LANCL2: variants seen among roughly 807,000 people sequenced by gnomAD.
LANCL2 encodes the protein LanC like glutathione S-transferase 2.
A neutral mutation model predicts 56.9 loss-of-function variants in LANCL2; 33 were observed. The ratio of observed to expected loss-of-function variants is 0.58; its 90% CI spans 0.44 to 0.78. The LOEUF (loss-of-function observed/expected upper bound fraction) is 0.78. Among genes scored for constraint, LANCL2 ranks in the 30% least tolerant of loss-of-function variants. LANCL2 has a pLI of 0.00. For missense variants in LANCL2, 562 were observed against 580.2 expected, an observed-to-expected ratio of 0.97 and a Z score of 0.32; for synonymous variants, 233 against 228.2, an observed-to-expected ratio of 1.02 and a Z score of -0.19.
chr7:55,366,244 T>A lies in LANCL2; in HGVS notation c.204+15T>A. On this transcript the variant is annotated intron_variant, in intron 1 of 8. Coordinates refer to ENST00000254770, the MANE Select transcript of LANCL2 (RefSeq NM_018697.4). ...AGGACGGGAAGGTGAGTCGGCGGCC[T>A]GGCCGCAGAGGCGCCGGAGGGGGAG... 1 of 1,477,700 alleles carries A rather than the reference T, an allele frequency of 6.8e-7. No individual in the cohort carries two copies. Among genetic ancestry groups the A allele is most frequent in the Non-Finnish European group, 9.0e-7 (1 of 1,106,318 alleles). The allele number at this position is 1,477,700 out of a possible 1,614,324, so 91.5% of individuals were successfully genotyped here.
chr7:55,415,714 G>C (rs535513705), intron 6 of LANCL2, among the ~76,000 whole-genome samples: 25 of 146,524 alleles, frequency 1.7e-4, no homozygotes, highest in African/African-American at 5.7e-4. Context: ...CCTGGGTTCA[G>C]GTGGTTCTTG....
chr7:55,399,513 T>G lies in LANCL2; in HGVS notation c.531-444T>G, dbSNP rs578205324. The stretch of plus-strand genomic sequence containing the variant: ...CATGTGCCACCACACCCAGCTAGTT[T>G]TGCATTTTTAGTAGAGACGGGGTTT... On this transcript the variant is annotated intron_variant, in intron 3 of 8. Coordinates refer to ENST00000254770, the MANE Select transcript of LANCL2 (RefSeq NM_018697.4). Among the ~76,000 whole-genome samples, 3 of 152,224 alleles carry G rather than the reference T, an allele frequency of 2.0e-5. No homozygotes were observed. In the South Asian group the frequency reaches 6.2e-4, roughly 32 times the overall value.
rs1258184397 is a variant in LANCL2 at position 55,431,793 on chromosome 7, C to A, written c.*473C>A. 1 of 152,910 alleles carries A rather than the reference C, an allele frequency of 6.5e-6. No individual in the cohort carries two copies. Among genetic ancestry groups the A allele is most frequent in the East Asian group, 1.9e-4 (1 of 5,218 alleles). The allele number at this position is 152,910 out of a possible 1,614,324, so 9.5% of individuals were successfully genotyped here. On this transcript the variant is annotated 3_prime_UTR_variant, in exon 9 of 9. Coordinates refer to ENST00000254770, the MANE Select transcript of LANCL2 (RefSeq NM_018697.4). ...TACATTGTCAGCCTTTTCTGTGGCA[C>A]CTTCCAGATGAGAATGAGGGAGCGA...
In LANCL2 at chr7:55,400,080, C is replaced by G; in HGVS notation, c.654C>G (p.Thr218=). Reference sequence around the variant, plus strand: ...TGAACACAGAGATAGGTCCAGGCACCGTGTGTGAGTCAGCTATTAAAGAGG... The same window carrying G: ...TGAACACAGAGATAGGTCCAGGCACGGTGTGTGAGTCAGCTATTAAAGAGG... ...LYLNTEIGPG[T]VCESAIKEVV... is the part of the protein sequence containing the mutation. Residue 218 remains threonine, a synonymous_variant, in exon 4 of 9, where the codon ACC becomes ACG. Transcript: ENST00000254770. 6.2e-7 allele frequency: 1 copy of G among 1,608,148 alleles called. No homozygotes were observed. The highest frequency in any genetic ancestry group is 8.5e-7 in the Non-Finnish European group (1 of 1,176,198).
At position 55,395,276 on chromosome 7, in the gene LANCL2, A is replaced by G. The variant is rs144874463; in HGVS notation, c.323-3147A>G. 2.0e-5 allele frequency among the ~76,000 whole-genome samples: 3 copies of G among 152,324 alleles called. No homozygotes were observed. In the East Asian group the frequency reaches 5.8e-4, roughly 29 times the overall value. On this transcript the variant is annotated intron_variant, in intron 2 of 8. Coordinates refer to ENST00000254770, the MANE Select transcript of LANCL2 (RefSeq NM_018697.4). ...TTTCTCAGTGGAGGGAGAAAAACGC[A>G]CCAGGAAAATGTCACTACAAAGTGG... is the stretch of plus-strand genomic sequence containing the variant.
chr7:55,366,329 T>G (rs1789867622), intron 1 of LANCL2, 100 bp downstream of exon 1: 2 of 1,077,342 alleles, frequency 1.9e-6, no homozygotes, highest in South Asian at 1.8e-5. Context: ...GCGCCGGGCT[T>G]GGGAGGGCGC....
intron 2 of LANCL2, among the ~76,000 whole-genome samples, chr7:55,394,686 A>G (rs550742172): frequency 5.4e-4 from 83 of 152,344 alleles, no homozygotes; most frequent in African/African-American, 1.9e-3. Flanking sequence ...GTGGAGAGCC[A>G]TGGTGTGCAA....
At chr7:55,430,464 G>A (rs1384097820) in intron 8 of LANCL2, among the ~76,000 whole-genome samples, 1 of 152,198 alleles carries the variant, frequency 6.6e-6, no homozygotes, top group Non-Finnish European at 1.5e-5. Context: ...CCTCTGGGGG[G>A]ACCACAGGGA....
intron 1 of LANCL2, among the ~76,000 whole-genome samples, chr7:55,367,826 G>A (rs1427762705): frequency 6.6e-6 from 1 of 152,158 alleles, no homozygotes; most frequent in South Asian, 2.1e-4. Flanking sequence ...TGCCTGATGT[G>A]GTACCTTAAG....
At chr7:55,386,591 T>G (rs1452853128) in intron 1 of LANCL2, among the ~76,000 whole-genome samples, 1 of 152,224 alleles carries the variant, frequency 6.6e-6, no homozygotes, top group Non-Finnish European at 1.5e-5. Flanking sequence ...ACAGGAGGGC[T>G]ACATGTTCTG....
In LANCL2 at chr7:55,365,863, G is replaced by A. The variant is rs1789853817; in HGVS notation, c.-163G>A. 7 of 489,554 alleles carry A rather than the reference G, an allele frequency of 1.4e-5. No homozygotes were observed. In the South Asian group the frequency reaches 2.2e-4, roughly 15 times the overall value. 30.3% of individuals were successfully genotyped at this position (489,554 alleles called of 1,614,324 possible). A position where few individuals can be genotyped will look rare whatever the true frequency, so the allele number is the denominator to read the frequency against. ...GCCTGATGTGCGAGCAGCCCGCGACGAGGCAGTGCACGCTCAGACGCCCCG... is the reference window on the plus strand; with the variant it reads ...GCCTGATGTGCGAGCAGCCCGCGACAAGGCAGTGCACGCTCAGACGCCCCG... On this transcript the variant is annotated 5_prime_UTR_variant, in exon 1 of 9. Transcript: ENST00000254770.
chr7:55,373,850 G>C (rs1299785771), intron 1 of LANCL2, among the ~76,000 whole-genome samples: 1 of 152,206 alleles, frequency 6.6e-6, no homozygotes, highest in African/African-American at 2.4e-5. Context: ...TGGGAGTTCT[G>C]GGTGAGGAGT....
chr7:55,428,243 A>G (rs905004035), intron 7 of LANCL2, 132 bp from the exon 8 acceptor site: 1 of 756,864 alleles, frequency 1.3e-6, no homozygotes, highest in South Asian at 1.6e-5. Context: ...GCAGTAGCCC[A>G]TGGAGCCCAC....
chr7:55,383,407 A>G (rs774492743), intron 1 of LANCL2, among the ~76,000 whole-genome samples: 7 of 152,136 alleles, frequency 4.6e-5, no homozygotes, highest in Non-Finnish European at 8.8e-5. Flanking sequence ...TTGACCATGT[A>G]TGTCATTCAC....
chr7:55,431,417 G>T lies in LANCL2; in HGVS notation c.*97G>T, dbSNP rs1790726158. ...AACAACTGGGAATCCTGAAAGAGAA[G>T]CAGACACCGTCACAGGCCCCTCTGG... is the stretch of plus-strand genomic sequence containing the variant. On this transcript the variant is annotated 3_prime_UTR_variant, in exon 9 of 9. Coordinates refer to ENST00000254770, the MANE Select transcript of LANCL2 (RefSeq NM_018697.4). 2 of 818,450 alleles carry T rather than the reference G, an allele frequency of 2.4e-6. No homozygotes were observed. Among genetic ancestry groups the T allele is most frequent in the Middle Eastern group, 3.3e-4 (1 of 3,008 alleles). 50.7% of individuals were successfully genotyped at this position (818,450 alleles called of 1,614,324 possible).
At chr7:55,391,937 A>G (rs1339820294) in intron 2 of LANCL2, 27 bp downstream of exon 2, 1 of 1,162,440 alleles carries the variant, frequency 8.6e-7, no homozygotes, top group Non-Finnish European at 1.3e-6. Context: ...TAAATCACTG[A>G]TACATTTTAT....
In LANCL2 at chr7:55,402,688, C is replaced by T. The variant is rs540562559; in HGVS notation, c.825+1368C>T. Reference sequence around the variant, plus strand: ...CTCCCTTCCGGACGGGGCGGCTGGCCGGGCGGGGGGCTGACCCCCACCTCC... The same window carrying T: ...CTCCCTTCCGGACGGGGCGGCTGGCTGGGCGGGGGGCTGACCCCCACCTCC... On this transcript the variant is annotated intron_variant, in intron 5 of 8. Transcript: ENST00000254770. 8.8e-4 allele frequency among the ~76,000 whole-genome samples: 98 copies of T among 111,006 alleles called. 9 individuals are homozygous for T. Among genetic ancestry groups the T allele is most frequent in the African/African-American group, 2.9e-3 (85 of 29,094 alleles). The allele number at this position is 111,006 out of a possible 152,430, so 72.8% of individuals were successfully genotyped here. A position where few individuals can be genotyped will look rare whatever the true frequency, so the allele number is the denominator to read the frequency against.
chr7:55,390,166 A>T (rs1450369566), intron 1 of LANCL2, among the ~76,000 whole-genome samples: 1 of 152,240 alleles, frequency 6.6e-6, no homozygotes, highest in Non-Finnish European at 1.5e-5. Flanking sequence ...TGTCAGGAAG[A>T]CGTACTAGCC....
At position 55,408,772 on chromosome 7, in the gene LANCL2, G is replaced by T. The variant is rs191667526; in HGVS notation, c.826-3135G>T. 2.2e-4 allele frequency among the ~76,000 whole-genome samples: 33 copies of T among 152,048 alleles called. 1 individual carries two copies. The South Asian group carries it at 6.0e-3, about 28-fold the overall frequency. ...AGACAGACAAATCCACATCATGCCC[G>T]TTATTGTGAAAGCTTAAGATAAAGG... On this transcript the variant is annotated intron_variant, in intron 5 of 8. Transcript: ENST00000254770.
Sources: gnomAD v4.1 joint callset for allele counts (sites outside exome capture counted in the v4.1 genomes callset) on GRCh38, gnomAD v4.1.1 for gene constraint, MANE v1.5 for transcripts, NCBI Gene and HGNC (gene_info 2026-07-23, HGNC 2026-07-21) for gene names.